Variants in TXK observed in about 807,000 individuals in gnomAD.
TXK encodes tyrosine-protein kinase TXK.
In TXK, 60 loss-of-function variants were observed where a neutral mutation model predicts 81.0. The ratio of observed to expected loss-of-function variants is 0.74; its 90% CI spans 0.60 to 0.92. The LOEUF (loss-of-function observed/expected upper bound fraction) is 0.92, where lower values mean the gene tolerates loss of function less well. Ranked by LOEUF, TXK falls within the 40% of genes least tolerant of loss-of-function variation. TXK has a pLI of 0.00. For synonymous variants in TXK, 203 were observed against 210.7 expected, an observed-to-expected ratio of 0.96 and a Z score of 0.32; for missense variants, 581 against 638.3, an observed-to-expected ratio of 0.91 and a Z score of 0.97.
intron 5 of TXK, among the ~76,000 whole-genome samples, chr4:48,107,040 A>T (rs1044025011): frequency 6.6e-6 from 1 of 152,070 alleles, no homozygotes; most frequent in Non-Finnish European, 1.5e-5. Flanking sequence ...CCTGTCAGGC[A>T]TGTGAAGTAC....
chr4:48,097,409 T>C (rs1456132645), intron 6 of TXK, among the ~76,000 whole-genome samples: 1 of 143,392 alleles, frequency 7.0e-6, no homozygotes, highest in Non-Finnish European at 1.5e-5. Flanking sequence ...ATTGGGTTTT[T>C]AAAAAGCTAC....
intron 5 of TXK, among the ~76,000 whole-genome samples, chr4:48,110,031 T>G (rs1278325805): frequency 1.3e-5 from 2 of 152,302 alleles, no homozygotes; most frequent in East Asian, 3.9e-4. Flanking sequence ...AAAAAAGTGA[T>G]TGCTAAGATT....
intron 11 of TXK, among the ~76,000 whole-genome samples, chr4:48,076,847 T>C (rs1717089635): frequency 1.3e-5 from 2 of 152,174 alleles, no homozygotes; most frequent in African/African-American, 4.8e-5. Context: ...CACGCTGGTC[T>C]TGAACTCCTG....
At chr4:48,084,411 G>A (rs1245336865) in intron 10 of TXK, among the ~76,000 whole-genome samples, 3 of 152,024 alleles carry the variant, frequency 2.0e-5, no homozygotes, top group Non-Finnish European at 4.4e-5. Context: ...GCCCCATCAG[G>A]CTTGTACCTT....
At chr4:48,085,873 G>T (rs1317766781) in intron 10 of TXK, among the ~76,000 whole-genome samples, 1 of 152,126 alleles carries the variant, frequency 6.6e-6, no homozygotes, top group Non-Finnish European at 1.5e-5. Context: ...TAAAATCTCT[G>T]CATTCACCAT....
intron 14 of TXK, among the ~76,000 whole-genome samples, chr4:48,071,269 AC>A (rs1343119630): frequency 6.6e-6 from 1 of 152,166 alleles, no homozygotes; most frequent in African/African-American, 2.4e-5. Flanking sequence ...TTCTGCAAGA[AC>A]CAATCTCAAA....
intron 14 of TXK, among the ~76,000 whole-genome samples, chr4:48,069,326 CTTTTTTTTTT>C (rs376924565): frequency 1.0e-5 from 1 of 95,828 alleles, no homozygotes; most frequent in Non-Finnish European, 2.2e-5. Flanking sequence ...CTTTTCTTTT[CTTTTTTTTTT>C]TTTTTTTTTG....
At chr4:48,132,061 A>T (rs1577685263) in intron 1 of TXK, among the ~76,000 whole-genome samples, 1 of 149,628 alleles carries the variant, frequency 6.7e-6, no homozygotes, top group African/African-American at 2.5e-5. Context: ...TTTTTTTTAC[A>T]AAATCTACAA....
At chr4:48,128,915 T>C (rs1025005265) in intron 1 of TXK, among the ~76,000 whole-genome samples, 2 of 151,874 alleles carry the variant, frequency 1.3e-5, no homozygotes, top group Admixed American at 1.3e-4. Context: ...GATAGGCACG[T>C]TTTAGCCACA....
In TXK at chr4:48,086,496, T is replaced by G; in HGVS notation, c.926A>C (p.Glu309Ala). The change falls in exon 10 of 15, where the codon GAG (glutamate) becomes GCG (alanine). Residue 309 changes from glutamate (E) to alanine (A), a missense_variant. Physicochemically the swap from Glu to Ala is moderately radical, Grantham distance 107. Coordinates refer to ENST00000264316, the MANE Select transcript of TXK (RefSeq NM_003328.3). ...CACTTTGGCCTCTTCAATGAAATCC[T>G]CTTCAGACATGGAGCCTTCATTGAT... is the stretch of plus-strand genomic sequence containing the variant. Reference protein sequence around the residue: ...KAINEGSMSEEDFIEEAKVMM... With the variant: ...KAINEGSMSEADFIEEAKVMM... 6.2e-7 allele frequency: 1 copy of G among 1,614,114 alleles called. No individual in the cohort carries two copies. Among genetic ancestry groups the G allele is most frequent in the Non-Finnish European group, 8.5e-7 (1 of 1,179,992 alleles).
chr4:48,085,110 C>T (rs1281370803), intron 10 of TXK, among the ~76,000 whole-genome samples: 1 of 152,100 alleles, frequency 6.6e-6, no homozygotes, highest in African/African-American at 2.4e-5. Context: ...TTAATTTGAA[C>T]TATGGTCAAA....
intron 8 of TXK, among the ~76,000 whole-genome samples, chr4:48,092,627 G>A (rs924489333): frequency 4.2e-5 from 4 of 96,322 alleles, no homozygotes; most frequent in Non-Finnish European, 7.6e-5. Context: ...AGCAGGAGGA[G>A]AGTTGTTTTT....
chr4:48,082,267 C>T (rs758051435), intron 10 of TXK, among the ~76,000 whole-genome samples: 30 of 152,172 alleles, frequency 2.0e-4, no homozygotes, highest in Non-Finnish European at 4.1e-4. Context: ...GTTCAGGCCA[C>T]GATGGGAAGA....
At chr4:48,114,179 C>T (rs1358119786) in intron 2 of TXK, among the ~76,000 whole-genome samples, 169 bp downstream of exon 2, 3 of 152,176 alleles carry the variant, frequency 2.0e-5, no homozygotes, top group South Asian at 4.2e-4. Context: ...CCCAGATGAC[C>T]TGACATTTGA....
At chr4:48,117,129 C>G (rs1470670077) in intron 1 of TXK, among the ~76,000 whole-genome samples, 5 of 152,182 alleles carry the variant, frequency 3.3e-5, no homozygotes, top group Non-Finnish European at 7.3e-5. Flanking sequence ...CTCAAGTCAT[C>G]CGCCCAACCT....
chr4:48,125,626 T>C (rs1251664461), intron 1 of TXK, among the ~76,000 whole-genome samples: 2 of 152,204 alleles, frequency 1.3e-5, no homozygotes, highest in Non-Finnish European at 2.9e-5. Context: ...CAATGTTAAA[T>C]AGTAAACATG....
chr4:48,110,501 C>T (rs1383982260), intron 5 of TXK, 37 bp downstream of exon 5: 2 of 1,518,822 alleles, frequency 1.3e-6, no homozygotes, highest in East Asian at 4.5e-5. Context: ...CCAAAATGTC[C>T]CTGATTTTCA....
chr4:48,124,764 C>A (rs776332666), intron 1 of TXK, among the ~76,000 whole-genome samples: 4 of 152,148 alleles, frequency 2.6e-5, no homozygotes, highest in Non-Finnish European at 4.4e-5. Flanking sequence ...AAATGCTTAT[C>A]CAAAATAAAG....
intron 6 of TXK, among the ~76,000 whole-genome samples, chr4:48,095,838 T>C (rs1164632719): frequency 1.3e-5 from 2 of 152,232 alleles, no homozygotes; most frequent in African/African-American, 2.4e-5. Context: ...AGATTCCTAT[T>C]AACATTCTTT....
Sources: gnomAD v4.1 joint callset for allele counts (sites outside exome capture counted in the v4.1 genomes callset) on GRCh38, gnomAD v4.1.1 for gene constraint, MANE v1.5 for transcripts, NCBI Gene and HGNC (gene_info 2026-07-23, HGNC 2026-07-21) for gene names.